AGBL4: variants seen among roughly 807,000 people sequenced by gnomAD.
AGBL4 encodes cytosolic carboxypeptidase 6.
AGBL4 carries 58 observed loss-of-function variants against 66.4 expected under a neutral mutation model. The ratio of observed to expected loss-of-function variants is 0.87; its 90% CI spans 0.71 to 1.09. The LOEUF is 1.09. Ranked by LOEUF, AGBL4 falls within the 50% of genes least tolerant of loss-of-function variation. The pLI is 0.00. For missense variants in AGBL4, 579 were observed against 631.0 expected (o/e 0.92, Z 0.88); for synonymous variants, 234 against 222.9 (o/e 1.05, Z -0.44).
chr1:49,931,777 T>G (rs1653388314), intron 1 of AGBL4, among the ~76,000 whole-genome samples: 1 of 152,134 alleles, frequency 6.6e-6, no homozygotes, highest in South Asian at 2.1e-4. Context: ...CTACAATTTA[T>G]ACAAAAATAG....
intron 4 of AGBL4, among the ~76,000 whole-genome samples, chr1:49,113,132 A>G (rs1237509005): frequency 6.7e-6 from 1 of 149,550 alleles, no homozygotes. Flanking sequence ...TTGTATTTTT[A>G]GTAGAGACGG....
chr1:49,323,118 G>A (rs1203733237), intron 3 of AGBL4, among the ~76,000 whole-genome samples: 1 of 152,128 alleles, frequency 6.6e-6, no homozygotes. Context: ...AGTTTTGATT[G>A]TAAACACACT....
In AGBL4 at chr1:48,653,365, G is replaced by A; in HGVS notation, c.811C>T (p.Pro271Ser). 1 of 1,583,966 alleles carries A rather than the reference G, an allele frequency of 6.3e-7. No individual in the cohort carries two copies. Among genetic ancestry groups the A allele is most frequent in the Non-Finnish European group, 8.6e-7 (1 of 1,164,222 alleles). ...TAATTGCCCAGGTAGACTCCATCAG[G>A]ATTGAGCATTGGTGCGATCTTGAAG... Reference protein sequence around the residue: ...LVFKIAPMLNPDGVYLGNYRC... With the variant: ...LVFKIAPMLNSDGVYLGNYRC... Residue 271 changes from proline to serine, a missense_variant, in exon 8 of 14, where the codon CCT (proline) becomes TCT (serine). Pro to Ser is a moderately conservative substitution (Grantham distance 74, BLOSUM62 -1). Transcript: ENST00000371839.
intron 6 of AGBL4, among the ~76,000 whole-genome samples, chr1:48,734,003 A>G (rs1208093625): frequency 6.6e-6 from 1 of 152,242 alleles, no homozygotes; most frequent in African/African-American, 2.4e-5. Context: ...CTCCTGAGTC[A>G]CGTTCCAACA....
intron 5 of AGBL4, among the ~76,000 whole-genome samples, chr1:48,886,063 G>T (rs928315146): frequency 6.6e-6 from 1 of 152,216 alleles, no homozygotes; most frequent in Non-Finnish European, 1.5e-5. Context: ...ATCTTGGGGA[G>T]AGAGAGGTCA....
intron 3 of AGBL4, among the ~76,000 whole-genome samples, chr1:49,593,276 A>G (rs1044004955): frequency 2.6e-5 from 4 of 152,136 alleles, no homozygotes; most frequent in East Asian, 1.9e-4. Context: ...GTGTGGTGGC[A>G]GGCGCCTGTA....
At chr1:48,965,798 A>G (rs1658372022) in intron 5 of AGBL4, among the ~76,000 whole-genome samples, 2 of 152,236 alleles carry the variant, frequency 1.3e-5, no homozygotes, top group East Asian at 1.9e-4. Flanking sequence ...GCAGGCAAAT[A>G]TAAGTAGGGG....
chr1:49,842,377 C>A, intron 2 of AGBL4: 1 of 604,932 alleles, frequency 1.7e-6, no homozygotes. Context: ...TTCCCCAAGG[C>A]ATGTACCCAG....
intron 11 of AGBL4, among the ~76,000 whole-genome samples, chr1:48,560,360 G>C (rs1644379494): frequency 6.6e-6 from 1 of 152,130 alleles, no homozygotes; most frequent in Non-Finnish European, 1.5e-5. Flanking sequence ...GGCCACTGTG[G>C]GTGATCCTCA....
chr1:49,617,103 T>C (rs1406370322), intron 3 of AGBL4, among the ~76,000 whole-genome samples: 1 of 152,114 alleles, frequency 6.6e-6, no homozygotes, highest in Non-Finnish European at 1.5e-5. Flanking sequence ...GGCCCAGAAG[T>C]CCCAACATGA....
intron 3 of AGBL4, among the ~76,000 whole-genome samples, chr1:49,500,071 G>A (rs1028470428): frequency 2.0e-5 from 3 of 151,890 alleles, no homozygotes; most frequent in Non-Finnish European, 4.4e-5. Context: ...GGCTATGTTT[G>A]CAGGAGTAAC....
chr1:48,742,380 C>T (rs996358786), intron 6 of AGBL4, among the ~76,000 whole-genome samples: 1 of 151,276 alleles, frequency 6.6e-6, no homozygotes, highest in African/African-American at 2.4e-5. Context: ...TTTACTTTTA[C>T]AGTTGCTTTG....
chr1:49,649,410 A>C (rs528361496), intron 3 of AGBL4, among the ~76,000 whole-genome samples: 3 of 152,292 alleles, frequency 2.0e-5, no homozygotes, highest in Admixed American at 1.3e-4. Context: ...CACTTCTTCA[A>C]GAAAACATAA....
At position 49,881,338 on chromosome 1, in the gene AGBL4, G is replaced by A. The variant is rs187137202; in HGVS notation, c.35-29820C>T. Among the ~76,000 whole-genome samples, 269 of 152,128 alleles carry A rather than the reference G, an allele frequency of 1.8e-3. 2 individuals are homozygous for A. The highest frequency in any genetic ancestry group is 6.1e-3 in the African/African-American group (253 of 41,498). On this transcript the variant is annotated intron_variant, in intron 1 of 13. Transcript: ENST00000371839. ...AGTCTTTGCTATTGTGAATAGTGCC[G>A]CCATACATACGTGTGCATCTGTCTT...
chr1:48,754,239 A>T (rs1257521022), intron 6 of AGBL4, among the ~76,000 whole-genome samples: 6 of 152,178 alleles, frequency 3.9e-5, no homozygotes, highest in Non-Finnish European at 4.4e-5. Context: ...CCATTCTCAC[A>T]CATGGGGGCT....
chr1:49,047,848 G>T (rs1644117621), intron 4 of AGBL4, among the ~76,000 whole-genome samples: 1 of 152,118 alleles, frequency 6.6e-6, no homozygotes, highest in South Asian at 2.1e-4. Context: ...ATGGAGCTGA[G>T]TACCAGAGGA....
At chr1:49,525,514 C>T (rs1269636873) in intron 3 of AGBL4, among the ~76,000 whole-genome samples, 1 of 151,954 alleles carries the variant, frequency 6.6e-6, no homozygotes, top group Non-Finnish European at 1.5e-5. Flanking sequence ...AATGTCTTCC[C>T]TCCCTTTCAC....
rs115038818 is a variant in AGBL4 at position 48,591,668 on chromosome 1, C to T, written c.952-683G>A. Among the ~76,000 whole-genome samples the T allele has an allele frequency of 3.5e-3, 528 of 152,258 alleles. 6 individuals are homozygous for T. The highest frequency in any genetic ancestry group is 0.01 in the South Asian group (49 of 4,820). ...GCCCAACAGCATTCTTGGAACTTTA[C>T]ATATAGAGTCTTAGTTAACTCTTTG... On this transcript the variant is annotated intron_variant, in intron 9 of 13. Coordinates refer to ENST00000371839, the MANE Select transcript of AGBL4 (RefSeq NM_032785.4).
chr1:50,003,155 G>A (rs1202172201), intron 1 of AGBL4, among the ~76,000 whole-genome samples: 2 of 152,030 alleles, frequency 1.3e-5, no homozygotes, highest in African/African-American at 4.8e-5. Context: ...AAAATAACTG[G>A]AATACAAGAA....
Sources: gnomAD v4.1 joint callset for allele counts (sites outside exome capture counted in the v4.1 genomes callset) on GRCh38, gnomAD v4.1.1 for gene constraint, MANE v1.5 for transcripts, NCBI Gene and HGNC (gene_info 2026-07-23, HGNC 2026-07-21) for gene names.